Variants in GATAD2A observed in about 807,000 individuals in gnomAD.
The protein encoded by GATAD2A is GATA zinc finger domain containing 2A.
In GATAD2A, 12 loss-of-function variants were observed where a neutral mutation model predicts 68.5. That is an observed-to-expected ratio of 0.18 (90% CI 0.11 to 0.28). The LOEUF (loss-of-function observed/expected upper bound fraction) is 0.28, where lower values mean the gene tolerates loss of function less well. Ranked by LOEUF, GATAD2A falls within the 10% of genes least tolerant of loss-of-function variation. GATAD2A has a pLI of 1.00. For synonymous variants in GATAD2A, 410 were observed against 375.3 expected (o/e 1.09, Z -1.07); for missense variants, 755 against 868.5 (o/e 0.87, Z 1.64).
chr19:19,462,626 A>G (rs1600194194), intron 1 of GATAD2A, among the ~76,000 whole-genome samples: 1 of 152,292 alleles, frequency 6.6e-6, no homozygotes, highest in Non-Finnish European at 1.5e-5. Context: ...GAGGACCCTG[A>G]CCTGCTACCA....
intron 1 of GATAD2A, among the ~76,000 whole-genome samples, chr19:19,409,861 T>C (rs920891851): frequency 6.6e-6 from 1 of 152,142 alleles, no homozygotes; most frequent in African/African-American, 2.4e-5. Context: ...TTCTTGCCCC[T>C]CCCCCACCTT....
At chr19:19,489,992 G>A (rs966028347) in intron 2 of GATAD2A, among the ~76,000 whole-genome samples, 5 of 152,182 alleles carry the variant, frequency 3.3e-5, no homozygotes, top group African/African-American at 1.2e-4. Context: ...GATCTTGGGC[G>A]GCATGGGGCC....
intron 1 of GATAD2A, among the ~76,000 whole-genome samples, chr19:19,460,193 T>C (rs529766446): frequency 1.3e-5 from 2 of 152,214 alleles, no homozygotes; most frequent in East Asian, 3.9e-4. Context: ...CTGAAGGGGG[T>C]ACAGATCCAG....
chr19:19,388,057 C>CT lies in GATAD2A; in HGVS notation c.-7+1919_-7+1920insT, dbSNP rs1568686046. Among the ~76,000 whole-genome samples, 186 of 125,934 alleles carry CT rather than the reference C, an allele frequency of 1.5e-3. 8 individuals are homozygous for CT. Among genetic ancestry groups the CT allele is most frequent in the East Asian group, 2.9e-3 (14 of 4,840 alleles). 82.6% of individuals were successfully genotyped at this position (125,934 alleles called of 152,430 possible). A position where few individuals can be genotyped will look rare whatever the true frequency, so the allele number is the denominator to read the frequency against. On this transcript the variant is annotated intron_variant, in intron 1 of 11. Transcript: ENST00000360315. ...GGAGCACTCACATCAAGCTTCTCCTCCTTTTTTTTTTTTTTGGAGATGGAG... is the reference window on the plus strand; with the variant it reads ...GGAGCACTCACATCAAGCTTCTCCTCTCTTTTTTTTTTTTTTGGAGATGGAG...
chr19:19,473,837 T>G (rs111327150), intron 2 of GATAD2A, among the ~76,000 whole-genome samples: 1 of 150,450 alleles, frequency 6.6e-6, no homozygotes, highest in Non-Finnish European at 1.5e-5. Flanking sequence ...TCCCAGCAAC[T>G]TGGGTGGCTG....
intron 1 of GATAD2A, among the ~76,000 whole-genome samples, chr19:19,444,599 G>T (rs952305401): frequency 1.3e-5 from 2 of 152,270 alleles, no homozygotes; most frequent in East Asian, 3.9e-4. Context: ...TAAAACCACC[G>T]TGTATGATGC....
intron 7 of GATAD2A, among the ~76,000 whole-genome samples, chr19:19,497,800 A>G (rs990012039): frequency 1.3e-5 from 2 of 152,046 alleles, no homozygotes; most frequent in African/African-American, 4.8e-5. Flanking sequence ...TTTCAGGGAG[A>G]GCCCTATCCA....
intron 2 of GATAD2A, among the ~76,000 whole-genome samples, chr19:19,479,831 C>CTTTTTTTTTTTTTTTTTTT (rs35537344): frequency 1.2e-5 from 1 of 85,578 alleles, no homozygotes; most frequent in Non-Finnish European, 2.2e-5. Flanking sequence ...GTGGCCCACT[C>CTTTTTTTTTTTTTTTTTTT]TTTTTTTTTT....
chr19:19,439,553 C>A (rs950689801), intron 1 of GATAD2A, among the ~76,000 whole-genome samples: 1 of 152,108 alleles, frequency 6.6e-6, no homozygotes, highest in African/African-American at 2.4e-5. Context: ...CAACATCTAG[C>A]AAAAGGACAA....
intron 1 of GATAD2A, among the ~76,000 whole-genome samples, chr19:19,437,623 AAT>A (rs1200063356): frequency 6.6e-6 from 1 of 152,126 alleles, no homozygotes; most frequent in Non-Finnish European, 1.5e-5. Context: ...GATGACCTCT[AAT>A]CTACTTTCTG....
chr19:19,470,155 G>GTT lies in GATAD2A; in HGVS notation c.269+4553_269+4554dup, dbSNP rs377538131. Among the ~76,000 whole-genome samples, 81 of 134,092 alleles carry GTT rather than the reference G, an allele frequency of 6.0e-4. 1 individual carries two copies. The highest frequency in any genetic ancestry group is 2.4e-3 in the South Asian group (10 of 4,214). The allele number at this position is 134,092 out of a possible 152,430, so 88.0% of individuals were successfully genotyped here. A position where few individuals can be genotyped will look rare whatever the true frequency, so the allele number is the denominator to read the frequency against. ...AAACTGCGACTTTATTTTTTTTTTT[G>GTT]TTTTTTTTTTTTTGAGACAGAGTCT... On this transcript the variant is annotated intron_variant, in intron 2 of 11. Coordinates refer to ENST00000683918, the MANE Select transcript of GATAD2A (RefSeq NM_001384528.1).
At chr19:19,485,486 C>T (rs1048721952) in intron 2 of GATAD2A, among the ~76,000 whole-genome samples, 1 of 152,174 alleles carries the variant, frequency 6.6e-6, no homozygotes, top group Non-Finnish European at 1.5e-5. Context: ...GTGCCTGTCT[C>T]CATCTCCCCC....
chr19:19,433,057 G>A (rs1430130942), intron 1 of GATAD2A, among the ~76,000 whole-genome samples: 3 of 152,186 alleles, frequency 2.0e-5, no homozygotes, highest in African/African-American at 7.2e-5. Context: ...TTAATTGCTG[G>A]GAGAATGGAT....
chr19:19,468,574 A>G (rs780371411), intron 2 of GATAD2A, among the ~76,000 whole-genome samples: 2 of 152,230 alleles, frequency 1.3e-5, no homozygotes, highest in Admixed American at 6.5e-5. Context: ...AAGAAAAACA[A>G]CTCAGCACAT....
intron 1 of GATAD2A, chr19:19,458,753 T>C (rs1386984432): frequency 1.3e-5 from 2 of 152,156 alleles, no homozygotes; most frequent in Middle Eastern, 3.1e-3. Flanking sequence ...AGAAGGTAGA[T>C]GATTTAAGCT....
chr19:19,431,376 C>T lies in GATAD2A; in HGVS notation c.-7+25357C>T, dbSNP rs191877802. Among the ~76,000 whole-genome samples, 9 of 151,130 alleles carry T rather than the reference C, an allele frequency of 6.0e-5. No homozygotes were observed. The East Asian group carries it at 1.8e-3, about 30-fold the overall frequency. ...CGGCCCCTTCTCCTTCAGGGTTAAA[C>T]TATCCCTGCTCGTCCATTCAATAAA... On this transcript the variant is annotated intron_variant, in intron 1 of 11. Coordinates refer to ENST00000683918, the MANE Select transcript of GATAD2A (RefSeq NM_001384528.1).
rs752139591 is a variant in GATAD2A, at chr19:19,465,623, G to A, written c.269+9G>A. The A allele has an allele frequency of 7.5e-6, 12 of 1,597,328 alleles. 1 individual carries two copies. In the South Asian group the frequency reaches 1.3e-4, roughly 18 times the overall value. Reference sequence around the variant, plus strand: ...ATGCGCACCTCACACAGGTGAGTGGGAGGAGCCAGCGGGAGGGGCTGGAAC... The same window carrying A: ...ATGCGCACCTCACACAGGTGAGTGGAAGGAGCCAGCGGGAGGGGCTGGAAC... On this transcript the variant is annotated intron_variant, in intron 2 of 11. Transcript: ENST00000683918.
chr19:19,478,321 C>G (rs189455207), intron 2 of GATAD2A, among the ~76,000 whole-genome samples: 3 of 152,256 alleles, frequency 2.0e-5, no homozygotes, highest in Admixed American at 6.5e-5. Context: ...AAAATACTGG[C>G]CAGGCGCAGT....
chr19:19,387,767 A>G (rs1276893448), intron 1 of GATAD2A, among the ~76,000 whole-genome samples: 1 of 152,062 alleles, frequency 6.6e-6, no homozygotes, highest in African/African-American at 2.4e-5. Flanking sequence ...CAAATGCTCT[A>G]TGGATCCTGC....
Sources: gnomAD v4.1 joint callset for allele counts (sites outside exome capture counted in the v4.1 genomes callset) on GRCh38, gnomAD v4.1.1 for gene constraint, MANE v1.5 for transcripts, NCBI Gene and HGNC (gene_info 2026-07-23, HGNC 2026-07-21) for gene names.